RGS5: variants seen among roughly 807,000 people sequenced by gnomAD.
RGS5 encodes regulator of G-protein signalling 5.
Under a neutral mutation model 18.9 loss-of-function variants are expected in RGS5, and 20 were observed. That is an observed-to-expected ratio of 1.06 (90% CI 0.74 to 1.54). RGS5 has a LOEUF of 1.54. RGS5 is among the 40% of genes most tolerant of loss of function. RGS5 has a pLI of 0.00. For synonymous variants in RGS5, 57 were observed against 76.2 expected (o/e 0.75, Z 1.31); for missense variants, 201 against 211.8 (o/e 0.95, Z 0.32).
At chr1:163,154,900 G>A (rs28514835) in intron 3 of RGS5, among the ~76,000 whole-genome samples, 2 of 149,132 alleles carry the variant, frequency 1.3e-5, no homozygotes, top group East Asian at 3.9e-4. Flanking sequence ...ATTATATATA[G>A]ATATAGTTTT....
rs1240089207 is a variant in RGS5 at position 163,144,587 on chromosome 1, T to A, written c.*2755A>T. The A allele has an allele frequency of 6.6e-6, 1 of 152,594 alleles. No individual in the cohort carries two copies. Among genetic ancestry groups the A allele is most frequent in the Non-Finnish European group, 1.5e-5 (1 of 68,038 alleles). The allele number at this position is 152,594 out of a possible 1,614,324, so 9.5% of individuals were successfully genotyped here. ...GAAAACGCCAGTACAACAGGGTTCT[T>A]GCATCAAGCTTCATGCTTTCCCAGA... On this transcript the variant is annotated 3_prime_UTR_variant, in exon 5 of 5. Coordinates refer to ENST00000313961, the MANE Select transcript of RGS5 (RefSeq NM_003617.4).
chr1:163,194,022 A>G (rs190925140), intron 1 of RGS5, among the ~76,000 whole-genome samples: 8 of 152,304 alleles, frequency 5.3e-5, no homozygotes, highest in African/African-American at 1.9e-4. Flanking sequence ...ACACTTGAAG[A>G]GGAAAAAATG....
intron 1 of RGS5, among the ~76,000 whole-genome samples, chr1:163,307,483 C>T (rs1481698081): frequency 6.6e-6 from 1 of 151,834 alleles, no homozygotes; most frequent in Non-Finnish European, 1.5e-5. Context: ...GAATCAATAC[C>T]CAAAAGATTT....
intron 2 of RGS5, chr1:163,304,836 T>C (rs908375262): frequency 6.6e-6 from 1 of 152,248 alleles, no homozygotes; most frequent in Non-Finnish European, 1.5e-5. Flanking sequence ...AAGAAGTTTT[T>C]AAGGTCTTGG....
At chr1:163,181,529 G>T (rs1007235837) in intron 1 of RGS5, among the ~76,000 whole-genome samples, 1 of 152,172 alleles carries the variant, frequency 6.6e-6, no homozygotes, top group Non-Finnish European at 1.5e-5. Flanking sequence ...GAAATTAAAA[G>T]ATGTTTCCAA....
intron 2 of RGS5, among the ~76,000 whole-genome samples, chr1:163,277,047 G>A (rs796276614): frequency 6.6e-6 from 1 of 152,106 alleles, no homozygotes; most frequent in Admixed American, 6.6e-5. Flanking sequence ...ACAATCTATT[G>A]TCTCTGAAGC....
Position 163,171,548 on chromosome 1 carries a change from C to G in RGS5, c.45-3180G>C, listed in dbSNP as rs558280233. ...GTTTGGTTGGTTGTTTTGGTTTTAACTTTATCCCCCCTCTCAAATTTAGTT... is the reference window on the plus strand; with the variant it reads ...GTTTGGTTGGTTGTTTTGGTTTTAAGTTTATCCCCCCTCTCAAATTTAGTT... On this transcript the variant is annotated intron_variant, in intron 1 of 4. Transcript: ENST00000313961. 2.6e-5 allele frequency among the ~76,000 whole-genome samples: 4 copies of G among 152,286 alleles called. No homozygotes were observed. In the East Asian group the frequency reaches 7.7e-4, roughly 29 times the overall value.
intron 2 of RGS5, among the ~76,000 whole-genome samples, chr1:163,265,138 G>A (rs1648544534): frequency 1.3e-5 from 2 of 152,036 alleles, no homozygotes; most frequent in Non-Finnish European, 2.9e-5. Context: ...TCTCACAAAG[G>A]TTAGTCCATA....
upstream of RGS5, among the ~76,000 whole-genome samples, chr1:163,203,348 G>A (rs1016437272): frequency 6.6e-6 from 1 of 152,168 alleles, no homozygotes; most frequent in Admixed American, 6.5e-5. Context: ...GGGAATTCAA[G>A]GAATGTGTAT....
chr1:163,165,151 A>G (rs149895592), intron 2 of RGS5, among the ~76,000 whole-genome samples: 174 of 152,316 alleles, frequency 1.1e-3, no homozygotes, highest in Middle Eastern at 3.4e-3. Context: ...GAAATTGTAC[A>G]TAGATCTTTA....
At chr1:163,275,241 T>G (rs1435981582) in intron 2 of RGS5, among the ~76,000 whole-genome samples, 1 of 152,212 alleles carries the variant, frequency 6.6e-6, no homozygotes, top group Non-Finnish European at 1.5e-5. Context: ...ATGGTAGGCT[T>G]GAGCCCATTC....
At chr1:163,298,692 C>T (rs1649483153) in intron 2 of RGS5, among the ~76,000 whole-genome samples, 1 of 152,094 alleles carries the variant, frequency 6.6e-6, no homozygotes, top group South Asian at 2.1e-4. Flanking sequence ...AGTTAATCTT[C>T]CTTCACTGAT....
Position 163,202,847 on chromosome 1 carries a change from G to T in RGS5, c.-12C>A. The T allele has an allele frequency of 5.0e-6, 8 of 1,613,096 alleles. No individual in the cohort carries two copies. Among genetic ancestry groups the T allele is most frequent in the Non-Finnish European group, 5.9e-6 (7 of 1,179,352 alleles). On this transcript the variant is annotated 5_prime_UTR_variant, in exon 1 of 5. Transcript: ENST00000313961. ...AGTCCTTTGCACATTTTGGCAGGTG[G>T]CTTAGCTCCTCCGCTTTAAGTACAA...
chr1:163,234,575 T>C (rs1647571469), intron 2 of RGS5, among the ~76,000 whole-genome samples: 1 of 152,226 alleles, frequency 6.6e-6, no homozygotes. Context: ...GGAGTGTTCA[T>C]ATGGAATGGT....
intron 2 of RGS5, among the ~76,000 whole-genome samples, chr1:163,227,860 C>T (rs11582455): frequency 0.21 from 31,863 of 152,072 alleles, 3,432 homozygotes; most frequent in Middle Eastern, 0.28. Context: ...CATGTAAGTC[C>T]GAAATCCAAT....
intron 1 of RGS5, among the ~76,000 whole-genome samples, chr1:163,318,423 T>C (rs1650087343): frequency 6.6e-6 from 1 of 151,726 alleles, no homozygotes; most frequent in African/African-American, 2.4e-5. Context: ...GGGGTGGTAG[T>C]AGTTATGGCT....
chr1:163,195,826 G>C (rs1659542545), intron 1 of RGS5, among the ~76,000 whole-genome samples: 1 of 151,592 alleles, frequency 6.6e-6, no homozygotes, highest in Admixed American at 6.6e-5. Flanking sequence ...GTTTAATAGG[G>C]GTCCTTCTAC....
intron 2 of RGS5, among the ~76,000 whole-genome samples, chr1:163,271,371 G>T (rs1648712492): frequency 6.6e-6 from 1 of 152,092 alleles, no homozygotes; most frequent in South Asian, 2.1e-4. Flanking sequence ...CCCCATGATG[G>T]AATCAGTGTT....
chr1:163,191,439 A>C (rs912353611), intron 1 of RGS5, among the ~76,000 whole-genome samples: 1 of 152,234 alleles, frequency 6.6e-6, no homozygotes, highest in Non-Finnish European at 1.5e-5. Context: ...AACAATGAGC[A>C]GATAGATATC....
Sources: allele counts gnomAD v4.1 joint callset (sites outside exome capture counted in the v4.1 genomes callset), GRCh38; gene constraint gnomAD v4.1.1; transcripts MANE v1.5; gene names NCBI Gene and HGNC (gene_info 2026-07-23, HGNC 2026-07-21).